The following ITM2B variants were observed in gnomAD, a reference collection of about 807,000 sequenced individuals.
ITM2B encodes ABri/ADan amyloid peptide.
ITM2B carries 11 observed loss-of-function variants against 27.8 expected under a neutral mutation model. The ratio of observed to expected loss-of-function variants is 0.40; its 90% CI spans 0.25 to 0.66. ITM2B has a LOEUF of 0.66. Ranked by LOEUF, ITM2B falls within the 30% of genes least tolerant of loss-of-function variation. The pLI, the probability that ITM2B is intolerant of heterozygous loss-of-function variation, is 0.43. For missense variants in ITM2B, 296 were observed against 328.9 expected, an observed-to-expected ratio of 0.90 and a Z score of 0.77; for synonymous variants, 114 against 114.3, an observed-to-expected ratio of 1.00 and a Z score of 0.02.
At position 48,256,293 on chromosome 13, in the gene ITM2B, C is replaced by T. The variant is rs763071123; in HGVS notation, c.363C>T (p.Ile121=). Residue 121 remains isoleucine, a synonymous_variant, in exon 3 of 6, where the codon ATC becomes ATT. Coordinates refer to ENST00000647800, the MANE Select transcript of ITM2B (RefSeq NM_021999.5). ...LYQTIEENIK[I]FEEEEVEFIS... ...AGACAATTGAAGAAAATATTAAAAT[C>T]TTTGAAGAAGAAGAAGTTGAATTTA... 6.2e-7 allele frequency: 1 copy of T among 1,613,724 alleles called. No homozygotes were observed. The highest frequency in any genetic ancestry group is 1.3e-5 in the African/African-American group (1 of 74,904).
In ITM2B at chr13:48,233,300, G is replaced by GGAGCCCGCAGCCCGCGCCCC. The variant is rs910348564; in HGVS notation, c.-52_-33dup. The GGAGCCCGCAGCCCGCGCCCC allele has an allele frequency of 4.5e-6, 5 of 1,110,146 alleles. No homozygotes were observed. The African/African-American group carries it at 8.2e-5, about 18-fold the overall frequency. The allele number at this position is 1,110,146 out of a possible 1,614,324, so 68.8% of individuals were successfully genotyped here. On this transcript the variant is annotated 5_prime_UTR_variant, in exon 1 of 6. Transcript: ENST00000647800. ...GCCGTAGAGGCTGCAATCGCAGCCG[G>GGAGCCCGCAGCCCGCGCCCC]GAGCCCGCAGCCCGCGCCCCGAGCC...
chr13:48,258,272 C>A, intron 4 of ITM2B, 36 bp downstream of exon 4: 1 of 1,003,802 alleles, frequency 1.0e-6, no homozygotes, highest in African/African-American at 1.6e-5. Context: ...TGAATGATGC[C>A]TTCATAGTGT....
chr13:48,240,469 G>A (rs1951693628), intron 1 of ITM2B, among the ~76,000 whole-genome samples: 1 of 152,044 alleles, frequency 6.6e-6, no homozygotes, highest in Non-Finnish European at 1.5e-5. Flanking sequence ...TAAAGTCCCA[G>A]TTTTCTCTCC....
intron 1 of ITM2B, among the ~76,000 whole-genome samples, chr13:48,243,550 C>T (rs867747690): frequency 5.3e-5 from 8 of 152,160 alleles, no homozygotes; most frequent in Middle Eastern, 3.4e-3. Context: ...TGCTGTGGGC[C>T]GGGCATGGTG....
chr13:48,257,703 C>T (rs1951798135), intron 3 of ITM2B, among the ~76,000 whole-genome samples: 1 of 152,140 alleles, frequency 6.6e-6, no homozygotes, highest in Non-Finnish European at 1.5e-5. Context: ...AACCACAGAA[C>T]ACAAAATCAT....
intron 1 of ITM2B, 65 bp from the exon 2 acceptor site, chr13:48,253,743 T>C (rs907150608): frequency 1.3e-5 from 20 of 1,489,456 alleles, no homozygotes; most frequent in Middle Eastern, 3.4e-4. Context: ...AAGGTTTTTC[T>C]AGTCCTGAGC....
chr13:48,233,349 C>A lies in ITM2B; in HGVS notation c.-12C>A, dbSNP rs11556904. 2.6e-6 allele frequency: 4 copies of A among 1,533,258 alleles called. No individual in the cohort carries two copies. Among genetic ancestry groups the A allele is most frequent in the East Asian group, 2.6e-5 (1 of 38,620 alleles). 95.0% of individuals were successfully genotyped at this position (1,533,258 alleles called of 1,614,324 possible). A position where few individuals can be genotyped will look rare whatever the true frequency, so the allele number is the denominator to read the frequency against. On this transcript the variant is annotated 5_prime_UTR_variant, in exon 1 of 6. Transcript: ENST00000647800. The stretch of plus-strand genomic sequence containing the variant: ...CCCGCCGCCGCCCTTCGAGGGCGCC[C>A]CAGGCCGCGCCATGGTGAAGGTGAC...
chr13:48,235,748 T>C (rs748478306), intron 1 of ITM2B, among the ~76,000 whole-genome samples: 4 of 152,210 alleles, frequency 2.6e-5, no homozygotes, highest in Non-Finnish European at 5.9e-5. Flanking sequence ...GGCATTTCCT[T>C]TGCCTGGTTG....
chr13:48,233,288 C>A lies in ITM2B; in HGVS notation c.-73C>A. On this transcript the variant is annotated 5_prime_UTR_variant, in exon 1 of 6. Transcript: ENST00000647800. ...TCCCGGAGCCCGGCCGTAGAGGCTG[C>A]AATCGCAGCCGGGAGCCCGCAGCCC... 1.0e-6 allele frequency: 1 copy of A among 964,324 alleles called. No individual in the cohort carries two copies. The allele number at this position is 964,324 out of a possible 1,614,324, so 59.7% of individuals were successfully genotyped here. A position where few individuals can be genotyped will look rare whatever the true frequency, so the allele number is the denominator to read the frequency against.
chr13:48,251,246 T>C (rs1471869217), intron 1 of ITM2B, among the ~76,000 whole-genome samples: 2 of 152,182 alleles, frequency 1.3e-5, no homozygotes, highest in African/African-American at 4.8e-5. Context: ...TGAAAAATCA[T>C]TGCCATATAT....
In ITM2B at chr13:48,233,299, G is replaced by C; in HGVS notation, c.-62G>C. 1 of 1,099,514 alleles carries C rather than the reference G, an allele frequency of 9.1e-7. No homozygotes were observed. 68.1% of individuals were successfully genotyped at this position (1,099,514 alleles called of 1,614,324 possible). ...GGCCGTAGAGGCTGCAATCGCAGCC[G>C]GGAGCCCGCAGCCCGCGCCCCGAGC... On this transcript the variant is annotated 5_prime_UTR_variant, in exon 1 of 6. Transcript: ENST00000647800.
At chr13:48,242,426 T>A (rs977358810) in intron 1 of ITM2B, among the ~76,000 whole-genome samples, 1 of 152,032 alleles carries the variant, frequency 6.6e-6, no homozygotes, top group African/African-American at 2.4e-5. Flanking sequence ...TTTTGATGAT[T>A]TCTTGCCCAT....
chr13:48,250,146 T>C (rs181426092), intron 1 of ITM2B, among the ~76,000 whole-genome samples: 2 of 152,346 alleles, frequency 1.3e-5, no homozygotes, highest in African/African-American at 4.8e-5. Flanking sequence ...GCACAGTATA[T>C]TGCAAATAGC....
At chr13:48,240,427 GA>G (rs1400871480) in intron 1 of ITM2B, among the ~76,000 whole-genome samples, 1 of 152,162 alleles carries the variant, frequency 6.6e-6, no homozygotes, top group East Asian at 1.9e-4. Context: ...GGTTGGTCTC[GA>G]ACTCCTGACC....
Position 48,268,884 on chromosome 13 carries a change from C to G in ITM2B, c.*7660C>G, listed in dbSNP as rs1295380135. The G allele has an allele frequency of 6.6e-6, 1 of 152,094 alleles. No individual in the cohort carries two copies. Among genetic ancestry groups the G allele is most frequent in the African/African-American group, 2.4e-5 (1 of 41,420 alleles). The allele number at this position is 152,094 out of a possible 1,614,324, so 9.4% of individuals were successfully genotyped here. ...AGTATTATTAGGTTTACAGTCATAA[C>G]AAACACCAAGAACCATTTATAAATT... On this transcript the variant is annotated 3_prime_UTR_variant, in exon 6 of 6. Transcript: ENST00000647800.
rs190748412 is a variant in ITM2B, at chr13:48,245,903, C to T, written c.118-7905C>T. 7.3e-3 allele frequency among the ~76,000 whole-genome samples: 1,107 copies of T among 152,000 alleles called. 10 individuals carry two copies. The highest frequency in any genetic ancestry group is 0.024 in the African/African-American group (998 of 41,484). Reference sequence around the variant, plus strand: ...ACGCCATTCTCCTGCCTCAGCCTCCCGAGTAGCTGGGACTACAGGCGCCTG... The same window carrying T: ...ACGCCATTCTCCTGCCTCAGCCTCCTGAGTAGCTGGGACTACAGGCGCCTG... On this transcript the variant is annotated intron_variant, in intron 1 of 5. Transcript: ENST00000647800.
intron 1 of ITM2B, among the ~76,000 whole-genome samples, chr13:48,238,918 A>T (rs1270641213): frequency 6.6e-6 from 1 of 152,190 alleles, no homozygotes; most frequent in African/African-American, 2.4e-5. Flanking sequence ...AATTATTTTT[A>T]AAAGTTGTTT....
At position 48,261,137 on chromosome 13, in the gene ITM2B, A is replaced by G; in HGVS notation, c.716-2A>G. The stretch of plus-strand genomic sequence containing the variant: ...TAAAAAACTTTTTTCCCTCTCCAAC[A>G]GGTATTCAGAAACGTGAAGCCAGCA... On this transcript the variant is annotated splice_acceptor_variant, in intron 5 of 5. Transcript: ENST00000647800. LOFTEE classifies it high-confidence loss of function. 1 of 1,608,702 alleles carries G rather than the reference A, an allele frequency of 6.2e-7. No individual in the cohort carries two copies. Among genetic ancestry groups the G allele is most frequent in the South Asian group, 1.1e-5 (1 of 90,578 alleles).
rs181708434 is a variant in ITM2B at position 48,252,615 on chromosome 13, A to G, written c.118-1193A>G. Among the ~76,000 whole-genome samples the G allele has an allele frequency of 1.1e-3, 170 of 152,330 alleles. 4 individuals carry two copies. The highest frequency in any genetic ancestry group is 3.9e-3 in the South Asian group (19 of 4,828). ...TTCCACAAAACTGGTCCCTGGTGCCAAAAAAGGTTGTGTAGTGCTGTTCCA... is the reference window on the plus strand; with the variant it reads ...TTCCACAAAACTGGTCCCTGGTGCCGAAAAAGGTTGTGTAGTGCTGTTCCA... On this transcript the variant is annotated intron_variant, in intron 1 of 5. Transcript: ENST00000647800.
Sources: allele counts gnomAD v4.1 joint callset (sites outside exome capture counted in the v4.1 genomes callset), GRCh38; gene constraint gnomAD v4.1.1; transcripts MANE v1.5; gene names NCBI Gene and HGNC (gene_info 2026-07-23, HGNC 2026-07-21).